Variants in EMID1 observed in about 807,000 individuals in gnomAD.
The protein encoded by EMID1 is EMI domain containing 1, also known as EMI domain-containing protein 1.
In EMID1, 40 loss-of-function variants were observed where a neutral mutation model predicts 60.6. The ratio of observed to expected loss-of-function variants is 0.66; its 90% CI spans 0.51 to 0.86. The LOEUF is 0.86. Ranked by LOEUF, EMID1 falls within the 40% of genes least tolerant of loss-of-function variation. EMID1 has a pLI of 0.00. For missense variants in EMID1, 585 were observed against 597.1 expected (o/e 0.98, Z 0.21); for synonymous variants, 242 against 231.0 (o/e 1.05, Z -0.43).
intron 1 of EMID1, among the ~76,000 whole-genome samples, chr22:29,209,382 C>G (rs912056160): frequency 2.6e-5 from 4 of 152,114 alleles, no homozygotes; most frequent in African/African-American, 4.8e-5. Context: ...CTGCCCTCAC[C>G]AACCCCACTG....
chr22:29,251,701 G>A (rs899760381), intron 13 of EMID1, among the ~76,000 whole-genome samples: 3 of 151,978 alleles, frequency 2.0e-5, no homozygotes, highest in South Asian at 2.1e-4. Flanking sequence ...GTCTCCCTCC[G>A]TCACCCAGGC....
At chr22:29,215,308 G>A (rs2040043924) in intron 2 of EMID1, 1 of 978,444 alleles carries the variant, frequency 1.0e-6, no homozygotes, top group African/African-American at 1.7e-5. Flanking sequence ...CCAGCCTGCA[G>A]GGTCTTCTTG....
At chr22:29,222,021 A>C (rs780124565) in intron 3 of EMID1, among the ~76,000 whole-genome samples, 8 of 152,232 alleles carry the variant, frequency 5.3e-5, no homozygotes, top group Non-Finnish European at 8.8e-5. Flanking sequence ...GCTGAAAACA[A>C]ACTGGTTGAA....
At chr22:29,216,136 C>T (rs1186445201) in intron 3 of EMID1, among the ~76,000 whole-genome samples, 1 of 152,158 alleles carries the variant, frequency 6.6e-6, no homozygotes, top group East Asian at 1.9e-4. Flanking sequence ...GATGGGAGGG[C>T]TCGGCTGGGC....
intron 12 of EMID1, among the ~76,000 whole-genome samples, chr22:29,237,864 A>G (rs1425354782): frequency 6.9e-6 from 1 of 144,300 alleles, no homozygotes; most frequent in Non-Finnish European, 1.5e-5. Context: ...CTGAAGAACT[A>G]CCTTTATTTT....
In EMID1 at chr22:29,222,949, G is replaced by T. The variant is rs1002530445; in HGVS notation, c.320-2184G>T. Among the ~76,000 whole-genome samples, 7 of 152,100 alleles carry T rather than the reference G, an allele frequency of 4.6e-5. No individual in the cohort carries two copies. The South Asian group carries it at 1.4e-3, about 32-fold the overall frequency. ...TACTAAAAATATCAAAAATTAGCTG[G>T]GCATTGTGGCACGCTCCTGTTGTCC... On this transcript the variant is annotated intron_variant, in intron 3 of 14. Coordinates refer to ENST00000334018, the MANE Select transcript of EMID1 (RefSeq NM_133455.4).
At chr22:29,236,671 A>G (rs1485504969) in intron 12 of EMID1, among the ~76,000 whole-genome samples, 1 of 152,118 alleles carries the variant, frequency 6.6e-6, no homozygotes, top group Non-Finnish European at 1.5e-5. Context: ...AGCCTGGGCG[A>G]CAGAGTGAGA....
Position 29,225,132 on chromosome 22 carries a change from G to A in EMID1, c.320-1G>A. 1.2e-6 allele frequency: 2 copies of A among 1,613,824 alleles called. No homozygotes were observed. The highest frequency in any genetic ancestry group is 2.7e-5 in the African/African-American group (2 of 75,066). ...CAGGGCTCTCACCCTCCATCCCTTA[G>A]TTGCAGCTTCCTCTGCCTCCTTGGA... On this transcript the variant is annotated splice_acceptor_variant, in intron 3 of 14. Coordinates refer to ENST00000334018, the MANE Select transcript of EMID1 (RefSeq NM_133455.4). LOFTEE classifies it high-confidence loss of function.
chr22:29,216,347 C>G, intron 3 of EMID1: 1 of 985,458 alleles, frequency 1.0e-6, no homozygotes, highest in Non-Finnish European at 1.2e-6. Flanking sequence ...GCTGAGCAGC[C>G]CAGGCCTCTC....
At chr22:29,219,050 C>T (rs367603574) in intron 3 of EMID1, among the ~76,000 whole-genome samples, 1 of 152,178 alleles carries the variant, frequency 6.6e-6, no homozygotes, top group South Asian at 2.1e-4. Context: ...CTGCAGGAGC[C>T]ATCAAGTCAT....
intron 1 of EMID1, among the ~76,000 whole-genome samples, chr22:29,206,452 G>C (rs2039657943): frequency 6.6e-6 from 1 of 152,218 alleles, no homozygotes; most frequent in African/African-American, 2.4e-5. Context: ...CCCTGCACTT[G>C]GGAAAGGCCT....
chr22:29,258,876 G>A lies in EMID1; in HGVS notation c.1264G>A (p.Gly422Ser), dbSNP rs2041806898. ...CACAGGCACCCCCAGCCTCCTTCGG[G>A]GCAAGAGGGGCGGACATGCAACCAA... ...AGTGTPSLLR[G>S]KRGGHATNYR... is the part of the protein sequence containing the mutation. Residue 422 changes from glycine (G) to serine (S), a missense_variant, in exon 15 of 15, where the codon GGC becomes AGC. Physicochemically the swap from Gly to Ser is moderately conservative, Grantham distance 56. Coordinates refer to ENST00000334018, the MANE Select transcript of EMID1 (RefSeq NM_133455.4). 3.7e-6 allele frequency: 6 copies of A among 1,613,240 alleles called. No homozygotes were observed. Among genetic ancestry groups the A allele is most frequent in the Non-Finnish European group, 5.1e-6 (6 of 1,179,816 alleles).
At chr22:29,231,303 C>T (rs2040731528) in intron 6 of EMID1, among the ~76,000 whole-genome samples, 163 bp downstream of exon 6, 1 of 152,158 alleles carries the variant, frequency 6.6e-6, no homozygotes, top group Admixed American at 6.5e-5. Flanking sequence ...AGGACCGTCT[C>T]CTGGGACTCC....
chr22:29,231,459 G>T, intron 6 of EMID1, 134 bp from the exon 7 acceptor site: 1 of 978,618 alleles, frequency 1.0e-6, no homozygotes. Flanking sequence ...CCACCCCAGG[G>T]CTGCCAGGAG....
At chr22:29,231,355 C>T in intron 6 of EMID1, 2 of 858,832 alleles carry the variant, frequency 2.3e-6, no homozygotes, top group Non-Finnish European at 3.7e-6. Flanking sequence ...CCCAGCAGAC[C>T]CTGCCTGGAG....
chr22:29,207,584 G>C (rs995725491), intron 1 of EMID1, among the ~76,000 whole-genome samples: 9 of 152,224 alleles, frequency 5.9e-5, no homozygotes, highest in African/African-American at 2.2e-4. Flanking sequence ...GGGCTTCCCA[G>C]CCTGGGCTCC....
intron 3 of EMID1, chr22:29,216,237 AC>A (rs2040078472): frequency 1.1e-6 from 1 of 922,480 alleles, no homozygotes; most frequent in African/African-American, 1.8e-5. Flanking sequence ...AGGGCTGAGC[AC>A]CCTGCAGGGG....
intron 13 of EMID1, among the ~76,000 whole-genome samples, chr22:29,247,375 G>T (rs1338500128): frequency 2.0e-5 from 3 of 152,196 alleles, no homozygotes; most frequent in Admixed American, 2.0e-4. Flanking sequence ...TAATGATGGG[G>T]ATATGTCCTG....
chr22:29,237,505 A>C lies in EMID1; in HGVS notation c.1074+3156A>C, dbSNP rs2040997484. On this transcript the variant is annotated intron_variant, in intron 12 of 14. Coordinates refer to ENST00000334018, the MANE Select transcript of EMID1 (RefSeq NM_133455.4). ...CATGCTCCTCCTTTCTTTATGTAAA[A>C]TCTGAGTTTCTGGCCAGGCACGGTG... is the stretch of plus-strand genomic sequence containing the variant. Among the ~76,000 whole-genome samples, 2 of 143,972 alleles carry C rather than the reference A, an allele frequency of 1.4e-5. 1 individual carries two copies. The highest frequency in any genetic ancestry group is 1.4e-4 in the Admixed American group (2 of 14,722). 94.5% of individuals were successfully genotyped at this position (143,972 alleles called of 152,430 possible).
Sources: allele counts gnomAD v4.1 joint callset (sites outside exome capture counted in the v4.1 genomes callset), GRCh38; gene constraint gnomAD v4.1.1; transcripts MANE v1.5; gene names NCBI Gene and HGNC (gene_info 2026-07-23, HGNC 2026-07-21).